SEMA5B: variants seen among roughly 807,000 people sequenced by gnomAD.
SEMA5B encodes the protein semaphorin-5B.
Under a neutral mutation model 135.0 loss-of-function variants are expected in SEMA5B, and 66 were observed. That is an observed-to-expected ratio of 0.49 (90% CI 0.40 to 0.60). SEMA5B has a LOEUF of 0.60. SEMA5B is among the 20% of genes least tolerant of loss of function. The probability of loss-of-function intolerance (pLI) is 0.00; values close to 1 mark genes in which losing one functional copy is unlikely to be tolerated. For missense variants in SEMA5B, 1,501 were observed against 1,566.3 expected (o/e 0.96, Z 0.70); for synonymous variants, 690 against 639.5 (o/e 1.08, Z -1.19).
chr3:122,976,345 A>C (rs760092167), intron 1 of SEMA5B, among the ~76,000 whole-genome samples: 5 of 151,936 alleles, frequency 3.3e-5, no homozygotes, highest in Non-Finnish European at 5.9e-5. Flanking sequence ...TCTATTGCAC[A>C]CTCAGTTGGG....
intron 1 of SEMA5B, among the ~76,000 whole-genome samples, chr3:123,007,220 G>A (rs922348410): frequency 6.6e-6 from 1 of 152,034 alleles, no homozygotes; most frequent in African/African-American, 2.4e-5. Flanking sequence ...CTGTATCAGG[G>A]TTTTGCTCTC....
At chr3:122,933,663 C>T (rs1432955751) in intron 5 of SEMA5B, among the ~76,000 whole-genome samples, 1 of 152,108 alleles carries the variant, frequency 6.6e-6, no homozygotes, top group African/African-American at 2.4e-5. Context: ...CTTTTTGGAA[C>T]TCTTAATATT....
chr3:122,994,264 A>G (rs1367868287), intron 1 of SEMA5B, among the ~76,000 whole-genome samples: 1 of 152,100 alleles, frequency 6.6e-6, no homozygotes, highest in African/African-American at 2.4e-5. Context: ...AGGATATTCC[A>G]CAGCCTCTCG....
chr3:123,008,385 A>G (rs1440515497), intron 1 of SEMA5B, among the ~76,000 whole-genome samples: 1 of 152,224 alleles, frequency 6.6e-6, no homozygotes, highest in Non-Finnish European at 1.5e-5. Context: ...GTGGAAGAGT[A>G]TTCGGCACCT....
In SEMA5B at chr3:122,915,870, TCCCGGGCCCC is replaced by T; in HGVS notation, c.1699_1708del (p.Gly567ThrfsTer22). ...CTTCCCGTCCCAGCCACAGTACGGGTCCCGGGCCCCCAGGCATGCCCTGCCAGACAGACGT... is the reference window on the plus strand; with the variant it reads ...CTTCCCGTCCCAGCCACAGTACGGGTCAGGCATGCCCTGCCAGACAGACGT... On this transcript the variant is annotated frameshift_variant, in exon 13 of 23. Transcript: ENST00000357599. LOFTEE classifies it high-confidence loss of function. 1 of 1,613,818 alleles carries T rather than the reference TCCCGGGCCCC, an allele frequency of 6.2e-7. No homozygotes were observed. Among genetic ancestry groups the T allele is most frequent in the Non-Finnish European group, 8.5e-7 (1 of 1,179,916 alleles).
chr3:122,943,574 C>T lies in SEMA5B; in HGVS notation c.329-39G>A, dbSNP rs779820780. 3.6e-6 allele frequency: 5 copies of T among 1,401,660 alleles called. No homozygotes were observed. The East Asian group carries it at 7.0e-5, about 20-fold the overall frequency. 86.8% of individuals were successfully genotyped at this position (1,401,660 alleles called of 1,614,324 possible). On this transcript the variant is annotated intron_variant, in intron 3 of 22. Coordinates refer to ENST00000357599, the MANE Select transcript of SEMA5B (RefSeq NM_001031702.4). ...AGGCAACCCTGTGGTTACTGTTGGG[C>T]CAGAGGCTCCCAGCTGCATCGCAGC...
At chr3:122,941,385 C>G (rs368824056) in intron 4 of SEMA5B, among the ~76,000 whole-genome samples, 1 of 152,224 alleles carries the variant, frequency 6.6e-6, no homozygotes, top group Non-Finnish European at 1.5e-5. Context: ...TCTGGGGAAG[C>G]CGCAGAGCGG....
intron 9 of SEMA5B, among the ~76,000 whole-genome samples, chr3:122,925,468 AC>A (rs1174596639): frequency 6.6e-6 from 1 of 152,048 alleles, no homozygotes; most frequent in East Asian, 1.9e-4. Flanking sequence ...GGAGATTGAG[AC>A]CATCCTGGCT....
rs2276774 is a variant in SEMA5B at position 122,927,981 on chromosome 3, A to G, written c.659T>C (p.Ile220Thr). 0.14 allele frequency: 213,483 copies of G among 1,499,464 alleles called. 15,824 individuals are homozygous for G. Among genetic ancestry groups the G allele is most frequent in the Middle Eastern group, 0.19 (1,071 of 5,612 alleles). 92.9% of individuals were successfully genotyped at this position (1,499,464 alleles called of 1,614,324 possible). A position where few individuals can be genotyped will look rare whatever the true frequency, so the allele number is the denominator to read the frequency against. Reference sequence around the variant, plus strand: ...GCGGGCCACACCATTGATCTTCTCAATAGTCCGGCTGAGGTTCCCCACCTG... The same window carrying G: ...GCGGGCCACACCATTGATCTTCTCAGTAGTCCGGCTGAGGTTCCCCACCTG... ...SRQVGNLSRT[I>T]EKINGVARCP... The change falls in exon 8 of 23, where the codon ATT becomes ACT. Residue 220 changes from isoleucine to threonine, a missense_variant. By Grantham distance (89) the Ile-to-Thr change is moderately conservative. Transcript: ENST00000357599.
chr3:122,920,498 A>C (rs73856746), intron 12 of SEMA5B, among the ~76,000 whole-genome samples: 3,802 of 152,262 alleles, frequency 0.025, 148 homozygotes, highest in African/African-American at 0.083. Context: ...GAGGGCTCCT[A>C]AATGCATTTG....
At chr3:122,927,586 C>T (rs1170418583) in intron 8 of SEMA5B, among the ~76,000 whole-genome samples, 1 of 152,192 alleles carries the variant, frequency 6.6e-6, no homozygotes, top group Non-Finnish European at 1.5e-5. Context: ...GTTCTGTGGC[C>T]TCGGGACATC....
At chr3:122,929,142 T>C (rs1332017277) in intron 5 of SEMA5B, 84 bp from the exon 6 acceptor site, 2 of 1,339,488 alleles carry the variant, frequency 1.5e-6, no homozygotes, top group East Asian at 2.4e-5. Context: ...CAGCAGCCAG[T>C]GTCGGGAGTG....
intron 2 of SEMA5B, among the ~76,000 whole-genome samples, chr3:122,958,869 T>C (rs7635136): frequency 0.56 from 84,868 of 151,996 alleles, 24,466 homozygotes; most frequent in East Asian, 0.72. Flanking sequence ...TTCTTCTCTC[T>C]TCCATATATT....
intron 1 of SEMA5B, among the ~76,000 whole-genome samples, chr3:123,015,811 A>C (rs930437477): frequency 6.6e-6 from 1 of 152,124 alleles, no homozygotes; most frequent in Non-Finnish European, 1.5e-5. Flanking sequence ...TGTGCCAAAG[A>C]CTCAGGCAAC....
chr3:122,949,566 C>T (rs1388849294), intron 2 of SEMA5B, among the ~76,000 whole-genome samples: 1 of 152,244 alleles, frequency 6.6e-6, no homozygotes, highest in Non-Finnish European at 1.5e-5. Context: ...AAGCAAACCA[C>T]CTCCTTGCTT....
intron 5 of SEMA5B, among the ~76,000 whole-genome samples, chr3:122,935,819 G>A (rs2107678711): frequency 6.6e-6 from 1 of 150,494 alleles, no homozygotes; most frequent in South Asian, 2.1e-4. Context: ...TCAGCCTCCT[G>A]AGTAGCTGGG....
At chr3:122,940,662 G>A (rs1430227659) in intron 4 of SEMA5B, among the ~76,000 whole-genome samples, 11 of 152,224 alleles carry the variant, frequency 7.2e-5, no homozygotes, top group African/African-American at 1.4e-4. Flanking sequence ...ATCCAGAGCC[G>A]GAAGGAGATG....
intron 1 of SEMA5B, among the ~76,000 whole-genome samples, chr3:122,981,867 G>T (rs1287420357): frequency 6.6e-6 from 1 of 152,238 alleles, no homozygotes; most frequent in East Asian, 1.9e-4. Flanking sequence ...GATCTGGTGT[G>T]ACACGGATGG....
chr3:122,946,367 G>T (rs1394446376), intron 3 of SEMA5B, among the ~76,000 whole-genome samples: 2 of 152,160 alleles, frequency 1.3e-5, no homozygotes, highest in Non-Finnish European at 2.9e-5. Context: ...GTATTTAGGG[G>T]TTATTCACAG....
Sources: allele counts gnomAD v4.1 joint callset (sites outside exome capture counted in the v4.1 genomes callset), GRCh38; gene constraint gnomAD v4.1.1; transcripts MANE v1.5; gene names NCBI Gene and HGNC (gene_info 2026-07-23, HGNC 2026-07-21).